MYH11: variants seen among roughly 807,000 people sequenced by gnomAD.
The protein encoded by MYH11 is myosin heavy chain 11.
MYH11 carries 80 observed loss-of-function variants against 246.6 expected under a neutral mutation model. That is an observed-to-expected ratio of 0.32 (90% CI 0.27 to 0.39). The LOEUF is 0.39. MYH11 is among the 10% of genes least tolerant of loss of function. The pLI is 1.00. For synonymous variants in MYH11, 1,071 were observed against 1,015.5 expected (o/e 1.05, Z -1.04); for missense variants, 2,158 against 2,546.8 (o/e 0.85, Z 3.29).
intron 10 of MYH11, 55 bp downstream of exon 10, chr16:15,763,741 T>TCGGCCC: frequency 9.3e-6 from 6 of 646,848 alleles, no homozygotes; most frequent in Non-Finnish European, 1.2e-5. Context: ...AAATGTCACC[T>TCGGCCC]CCCCCACCCC....
chr16:15,833,419 C>G (rs76053540), intron 2 of MYH11, among the ~76,000 whole-genome samples: 9,449 of 78,150 alleles, frequency 0.12, 468 homozygotes, highest in African/African-American at 0.27. Flanking sequence ...AAGGGAGGAA[C>G]GAACTAACTA....
chr16:15,703,968 G>A lies in MYH11; in HGVS notation c.*23C>T, dbSNP rs1179887800. 6.2e-7 allele frequency: 1 copy of A among 1,613,562 alleles called. No homozygotes were observed. The highest frequency in any genetic ancestry group is 8.5e-7 in the Non-Finnish European group (1 of 1,179,870). On this transcript the variant is annotated 3_prime_UTR_variant, in exon 41 of 41. Coordinates refer to ENST00000300036, the MANE Select transcript of MYH11 (RefSeq NM_002474.3). ...TTTTGGTTTTTGGTTTTCTTGCCGT[G>A]GTGCAAAACTGTAGAAAGTTGCTTA...
chr16:15,715,326 G>C (rs1306698518), intron 38 of MYH11, 54 bp from the exon 39 acceptor site: 14 of 1,569,668 alleles, frequency 8.9e-6, no homozygotes, highest in Non-Finnish European at 1.2e-5. Flanking sequence ...ACCCCTTGTA[G>C]CTGGTGTGTC....
rs1191692719 is a variant in MYH11, at chr16:15,709,095, A to AC, written c.5787-4973dup. ...GTAGCTGGGATTACAGGCAGGCCCC[A>AC]CGTGCTTGGCTAATTTTTGTATTTT... On this transcript the variant is annotated intron_variant, in intron 40 of 40. Transcript: ENST00000300036. Among the ~76,000 whole-genome samples, 13 of 150,326 alleles carry AC rather than the reference A, an allele frequency of 8.6e-5. No individual in the cohort carries two copies. In the East Asian group the frequency reaches 1.0e-3, roughly 12 times the overall value.
chr16:15,837,761 C>A, intron 2 of MYH11, 147 bp downstream of exon 2: 1 of 702,892 alleles, frequency 1.4e-6, no homozygotes, highest in East Asian at 2.7e-5. Flanking sequence ...TCTCGAACTT[C>A]TGACCTCAGG....
chr16:15,721,283 C>T, intron 32 of MYH11, 139 bp downstream of exon 32: 2 of 1,088,498 alleles, frequency 1.8e-6, no homozygotes, highest in Admixed American at 3.9e-5. Flanking sequence ...AGCCCCTGCA[C>T]CAGTCCAAAA....
chr16:15,717,100 C>G (rs541160168), intron 38 of MYH11, 40 bp downstream of exon 38: 1 of 1,599,346 alleles, frequency 6.3e-7, no homozygotes, highest in South Asian at 1.1e-5. Context: ...CTGTCCATCA[C>G]CCCCCTGCAA....
intron 1 of MYH11, among the ~76,000 whole-genome samples, chr16:15,850,487 T>A (rs2044303115): frequency 6.6e-6 from 1 of 152,240 alleles, no homozygotes; most frequent in South Asian, 2.1e-4. Context: ...AGGATTTTAC[T>A]GCCAAGCCAT....
intron 28 of MYH11, chr16:15,726,370 T>C (rs1484023680): frequency 0.014 from 1,640 of 116,924 alleles, 26 homozygotes; most frequent in African/African-American, 0.085. Flanking sequence ...GTTTTTTTTC[T>C]TTTTTTTTTT....
At chr16:15,760,698 G>T in intron 10 of MYH11, 40 bp from the exon 11 acceptor site, 1 of 1,338,296 alleles carries the variant, frequency 7.5e-7, no homozygotes, top group Non-Finnish European at 1.1e-6. Context: ...CATCACAAAA[G>T]AAATAGCTTG....
chr16:15,799,717 A>G (rs1019653347), intron 3 of MYH11, among the ~76,000 whole-genome samples: 6 of 152,224 alleles, frequency 3.9e-5, no homozygotes, highest in African/African-American at 1.4e-4. Context: ...AAATCCCAGC[A>G]TCATATCTGC....
At chr16:15,746,344 A>AT (rs1319124354) in intron 19 of MYH11, among the ~76,000 whole-genome samples, 1 of 152,128 alleles carries the variant, frequency 6.6e-6, no homozygotes, top group Non-Finnish European at 1.5e-5. Context: ...AGTGAACGTA[A>AT]TTCTGTCTTC....
chr16:15,791,928 C>G (rs1033204764), intron 4 of MYH11: 8 of 152,042 alleles, frequency 5.3e-5, no homozygotes, highest in Non-Finnish European at 1.2e-4. Context: ...CTAGCCTCAG[C>G]CTCCCAAAGT....
chr16:15,787,619 A>T (rs1429573896), intron 4 of MYH11, among the ~76,000 whole-genome samples: 1 of 150,916 alleles, frequency 6.6e-6, no homozygotes, highest in Non-Finnish European at 1.5e-5. Flanking sequence ...GACTACAGGC[A>T]CCCACCAGCA....
chr16:15,836,486 A>G (rs1230727066), intron 2 of MYH11, among the ~76,000 whole-genome samples: 1 of 151,580 alleles, frequency 6.6e-6, no homozygotes, highest in Non-Finnish European at 1.5e-5. Flanking sequence ...TGCAACCTCC[A>G]TCTCCCAGGT....
intron 40 of MYH11, among the ~76,000 whole-genome samples, chr16:15,707,235 C>A (rs1184908240): frequency 6.6e-6 from 1 of 152,160 alleles, no homozygotes; most frequent in Admixed American, 6.6e-5. Flanking sequence ...CGGGGTTTTA[C>A]CATGTTGGCC....
At chr16:15,771,001 T>A (rs867268606) in intron 9 of MYH11, among the ~76,000 whole-genome samples, 1 of 109,916 alleles carries the variant, frequency 9.1e-6, no homozygotes, top group South Asian at 4.6e-4. Flanking sequence ...TTCCTGAACT[T>A]TTTTTTTTTT....
At chr16:15,732,024 T>TGATCTCTGCTCACTGCAACCTCTGCCTC (rs372197894) in intron 27 of MYH11, among the ~76,000 whole-genome samples, 1 of 151,522 alleles carries the variant, frequency 6.6e-6, no homozygotes. Context: ...TGCAATGGCA[T>TGATCTCTGCTCACTGCAACCTCTGCCTC]GATCTCTGCT....
In MYH11 at chr16:15,758,909, A is replaced by G. The variant is rs376657242; in HGVS notation, c.1401+667T>C. ...AACCCAGGAGGCGGAGGCAGCAGTG[A>G]GACAAAATTGTGACACTGCATTCCA... On this transcript the variant is annotated intron_variant, in intron 12 of 40. Coordinates refer to ENST00000300036, the MANE Select transcript of MYH11 (RefSeq NM_002474.3). Among the ~76,000 whole-genome samples, 9 of 151,358 alleles carry G rather than the reference A, an allele frequency of 5.9e-5. No homozygotes were observed. The East Asian group carries it at 1.2e-3, about 20-fold the overall frequency.
Sources: allele counts gnomAD v4.1 joint callset (sites outside exome capture counted in the v4.1 genomes callset), GRCh38; gene constraint gnomAD v4.1.1; transcripts MANE v1.5; gene names NCBI Gene and HGNC (gene_info 2026-07-23, HGNC 2026-07-21).